The following ANKRD55 variants were observed in gnomAD, a reference collection of about 807,000 sequenced individuals.
ANKRD55 encodes the protein ankyrin repeat domain-containing protein 55.
In ANKRD55, 41 loss-of-function variants were observed where a neutral mutation model predicts 60.6. That is an observed-to-expected ratio of 0.68 (90% confidence interval 0.53 to 0.88). ANKRD55 has a LOEUF of 0.88. Among genes scored for constraint, ANKRD55 ranks in the 40% least tolerant of loss-of-function variants. The pLI, the probability that ANKRD55 is intolerant of heterozygous loss-of-function variation, is 0.00. For synonymous variants in ANKRD55, 264 were observed against 290.3 expected (o/e 0.91, Z 0.92); for missense variants, 732 against 767.6 (o/e 0.95, Z 0.55).
At chr5:56,152,874 T>TG (rs1001289026) in intron 6 of ANKRD55, among the ~76,000 whole-genome samples, 1 of 152,032 alleles carries the variant, frequency 6.6e-6, no homozygotes, top group Non-Finnish European at 1.5e-5. Context: ...ATCCAGTTCT[T>TG]GGGGTAGAGA....
chr5:56,116,035 A>G (rs574891934), intron 9 of ANKRD55, among the ~76,000 whole-genome samples: 1 of 151,858 alleles, frequency 6.6e-6, no homozygotes, highest in African/African-American at 2.4e-5. Flanking sequence ...TTGTATTTTT[A>G]GTAGAGGTGG....
intron 7 of ANKRD55, among the ~76,000 whole-genome samples, chr5:56,134,899 T>C (rs549438918): frequency 6.6e-6 from 1 of 152,308 alleles, no homozygotes; most frequent in Non-Finnish European, 1.5e-5. Context: ...GAATTATACA[T>C]CATGGTCAAA....
intron 4 of ANKRD55, among the ~76,000 whole-genome samples, chr5:56,173,582 C>CTATATATATATATATA (rs1182603115): frequency 8.8e-5 from 4 of 45,236 alleles, no homozygotes; most frequent in Admixed American, 3.5e-4. Flanking sequence ...CTCTCTCTCT[C>CTATATATATATATATA]TATATATATA....
chr5:56,193,104 A>G (rs1759140896), intron 2 of ANKRD55: 1 of 706,762 alleles, frequency 1.4e-6, no homozygotes, highest in Non-Finnish European at 2.3e-6. Context: ...CTTTCAAAAT[A>G]TGATTCTAAA....
At chr5:56,113,454 G>A (rs1474100410) in intron 9 of ANKRD55, among the ~76,000 whole-genome samples, 1 of 152,112 alleles carries the variant, frequency 6.6e-6, no homozygotes, top group African/African-American at 2.4e-5. Context: ...GACAAAATAA[G>A]AAGCACTCGT....
intron 4 of ANKRD55, among the ~76,000 whole-genome samples, chr5:56,173,420 A>G (rs1242979305): frequency 6.7e-6 from 1 of 150,230 alleles, no homozygotes; most frequent in Non-Finnish European, 1.5e-5. Flanking sequence ...CTGGTCAGGA[A>G]CTCCTGACCT....
intron 7 of ANKRD55, among the ~76,000 whole-genome samples, chr5:56,139,570 G>A (rs979756402): frequency 2.0e-5 from 3 of 152,238 alleles, no homozygotes; most frequent in African/African-American, 7.2e-5. Flanking sequence ...CCAAATGGAA[G>A]AGCATGACAG....
chr5:56,150,505 G>C lies in ANKRD55; in HGVS notation c.484-6576C>G, dbSNP rs147197623. Reference sequence around the variant, plus strand: ...TGTAGTCCCAGCTACTTGGGAGGCTGAGGTGGGAGAGTCACTTGAGCCTGG... The same window carrying C: ...TGTAGTCCCAGCTACTTGGGAGGCTCAGGTGGGAGAGTCACTTGAGCCTGG... On this transcript the variant is annotated intron_variant, in intron 6 of 11. Transcript: ENST00000341048. Among the ~76,000 whole-genome samples, 73 of 152,022 alleles carry C rather than the reference G, an allele frequency of 4.8e-4. No individual in the cohort carries two copies. The East Asian group carries it at 0.012, about 25-fold the overall frequency.
chr5:56,160,358 C>T (rs1429961810), intron 5 of ANKRD55, among the ~76,000 whole-genome samples: 3 of 152,218 alleles, frequency 2.0e-5, no homozygotes, highest in African/African-American at 7.2e-5. Flanking sequence ...CCTGCCTCAG[C>T]CTCCCGAGTA....
chr5:56,153,811 T>C (rs1288994902), intron 6 of ANKRD55, among the ~76,000 whole-genome samples: 1 of 151,492 alleles, frequency 6.6e-6, no homozygotes, highest in East Asian at 1.9e-4. Flanking sequence ...TACTCCGGCC[T>C]GGACAGGGCA....
intron 5 of ANKRD55, among the ~76,000 whole-genome samples, chr5:56,167,976 T>C (rs1395531631): frequency 1.3e-5 from 2 of 152,240 alleles, no homozygotes; most frequent in Admixed American, 6.5e-5. Flanking sequence ...AGGCTTAGTT[T>C]ACCCCTTAGG....
intron 7 of ANKRD55, among the ~76,000 whole-genome samples, chr5:56,129,831 G>A (rs114097547): frequency 0.016 from 2,422 of 152,308 alleles, 42 homozygotes; most frequent in Admixed American, 0.041. Context: ...AGAGGCCAGT[G>A]CTTTAGCCTC....
chr5:56,109,642 G>C (rs1289272388), intron 10 of ANKRD55, among the ~76,000 whole-genome samples: 5 of 151,508 alleles, frequency 3.3e-5, no homozygotes, highest in African/African-American at 1.2e-4. Flanking sequence ...CCAGCCTATG[G>C]ATCATTTAAA....
At chr5:56,150,131 C>T (rs553319149) in intron 6 of ANKRD55, among the ~76,000 whole-genome samples, 3 of 152,108 alleles carry the variant, frequency 2.0e-5, no homozygotes, top group Non-Finnish European at 4.4e-5. Context: ...TGAGCCACTG[C>T]GCCCGGCCTA....
intron 5 of ANKRD55, chr5:56,162,048 T>C: frequency 1.0e-6 from 1 of 985,386 alleles, no homozygotes; most frequent in Admixed American, 6.1e-5. Context: ...GGCCATTGTT[T>C]ACTCTCTAGG....
At chr5:56,116,879 TAG>T in intron 8 of ANKRD55, 97 bp from the exon 9 acceptor site, 1 of 1,309,448 alleles carries the variant, frequency 7.6e-7, no homozygotes. Flanking sequence ...CAGGTTGAGG[TAG>T]GGAAAATCTT....
intron 3 of ANKRD55, among the ~76,000 whole-genome samples, chr5:56,178,187 T>C (rs1193118559): frequency 6.6e-6 from 1 of 151,810 alleles, no homozygotes; most frequent in African/African-American, 2.4e-5. Flanking sequence ...AACAAATCTT[T>C]TCTTTCTTTT....
intron 2 of ANKRD55, among the ~76,000 whole-genome samples, chr5:56,205,064 C>CT (rs144913758): frequency 0.36 from 54,782 of 151,126 alleles, 12,345 homozygotes; most frequent in African/African-American, 0.61. Context: ...TCTTTTCTTT[C>CT]TTTTTTTTTC....
At chr5:56,205,771 G>A (rs1759489942) in intron 2 of ANKRD55, among the ~76,000 whole-genome samples, 1 of 152,032 alleles carries the variant, frequency 6.6e-6, no homozygotes, top group Non-Finnish European at 1.5e-5. Context: ...CCTGAAAATA[G>A]TTTAAGAAAA....
Sources: gnomAD v4.1 joint callset for allele counts (sites outside exome capture counted in the v4.1 genomes callset) on GRCh38, gnomAD v4.1.1 for gene constraint, MANE v1.5 for transcripts, NCBI Gene and HGNC (gene_info 2026-07-23, HGNC 2026-07-21) for gene names.